The following RIMS2 variants were observed in gnomAD, a reference collection of about 807,000 sequenced individuals.
The protein encoded by RIMS2 is regulating synaptic membrane exocytosis protein 2.
Under a neutral mutation model 174.4 loss-of-function variants are expected in RIMS2, and 59 were observed. The observed-to-expected ratio is 0.34, with a 90% CI of 0.27 to 0.42. RIMS2 has a LOEUF of 0.42. RIMS2 is among the 10% of genes least tolerant of loss of function. RIMS2 has a pLI of 1.00. For missense variants in RIMS2, 1,620 were observed against 1,666.3 expected, an observed-to-expected ratio of 0.97 and a Z score of 0.48; for synonymous variants, 606 against 572.5, an observed-to-expected ratio of 1.06 and a Z score of -0.84.
At chr8:103,604,201 T>G (rs993461525) in intron 1 of RIMS2, among the ~76,000 whole-genome samples, 3 of 151,138 alleles carry the variant, frequency 2.0e-5, no homozygotes, top group African/African-American at 7.3e-5. Flanking sequence ...GGATCCAGTT[T>G]CAGCTTTCTA....
At position 103,829,086 on chromosome 8, in the gene RIMS2, G is replaced by GTT. The variant is rs34072454; in HGVS notation, c.699-56196_699-56195dup. On this transcript the variant is annotated intron_variant, in intron 3 of 23. Coordinates refer to ENST00000504942, the Ensembl canonical transcript of RIMS2. ...TGGTTCTATGTGAATTTAATAATAG[G>GTT]TTTTTTTTTTTTTTTTTGCTAATTT... 7.8e-3 allele frequency among the ~76,000 whole-genome samples: 1,048 copies of GTT among 134,594 alleles called. 8 individuals carry two copies. Among genetic ancestry groups the GTT allele is most frequent in the East Asian group, 0.022 (99 of 4,564 alleles). 88.3% of individuals were successfully genotyped at this position (134,594 alleles called of 152,430 possible). A position where few individuals can be genotyped will look rare whatever the true frequency, so the allele number is the denominator to read the frequency against.
chr8:103,707,745 C>T (rs1399608866), intron 2 of RIMS2, among the ~76,000 whole-genome samples: 1 of 152,180 alleles, frequency 6.6e-6, no homozygotes, highest in African/African-American at 2.4e-5. Context: ...CAGGGGCTTG[C>T]CCAAGGACCC....
intron 2 of RIMS2, among the ~76,000 whole-genome samples, chr8:103,725,258 A>T (rs188257108): frequency 1.3e-5 from 2 of 152,236 alleles, no homozygotes; most frequent in Admixed American, 1.3e-4. Flanking sequence ...ACATAATAAG[A>T]TGCACAGAAT....
chr8:103,612,551 G>C (rs796805760), intron 1 of RIMS2, among the ~76,000 whole-genome samples: 1 of 152,230 alleles, frequency 6.6e-6, no homozygotes, highest in African/African-American at 2.4e-5. Flanking sequence ...GAATTCTCTG[G>C]ATTACTAGAC....
chr8:104,110,474 T>A (rs578008882), intron 19 of RIMS2, among the ~76,000 whole-genome samples: 1 of 152,290 alleles, frequency 6.6e-6, no homozygotes, highest in South Asian at 2.1e-4. Context: ...GTTTTTCTTA[T>A]CCTTGATCCA....
chr8:103,743,467 A>T (rs2097779824), intron 2 of RIMS2, among the ~76,000 whole-genome samples: 1 of 152,172 alleles, frequency 6.6e-6, no homozygotes. Flanking sequence ...AGGATAAAAA[A>T]ACCGCATTAT....
At chr8:104,127,732 CA>C (rs146725766) in intron 19 of RIMS2, among the ~76,000 whole-genome samples, 7 of 147,288 alleles carry the variant, frequency 4.8e-5, no homozygotes, top group Non-Finnish European at 1.1e-4. Context: ...TAAATGGTTG[CA>C]AAAAAAAACA....
intron 19 of RIMS2, among the ~76,000 whole-genome samples, chr8:104,109,789 A>T (rs2098143864): frequency 6.6e-6 from 1 of 152,224 alleles, no homozygotes; most frequent in Non-Finnish European, 1.5e-5. Context: ...TTTCATTATA[A>T]TTTCACAAAG....
chr8:104,132,690 G>A (rs1180726884), intron 19 of RIMS2, among the ~76,000 whole-genome samples: 1 of 152,196 alleles, frequency 6.6e-6, no homozygotes, highest in Non-Finnish European at 1.5e-5. Flanking sequence ...GTACGGTAAG[G>A]CAGAGTAACA....
At chr8:103,865,291 T>C (rs1003225322) in intron 3 of RIMS2, among the ~76,000 whole-genome samples, 2 of 145,600 alleles carry the variant, frequency 1.4e-5, no homozygotes, top group South Asian at 4.3e-4. Context: ...TTTCTTTTTT[T>C]TTTTTTTTTT....
chr8:103,799,518 A>G (rs1241369540), intron 3 of RIMS2, among the ~76,000 whole-genome samples: 1 of 152,106 alleles, frequency 6.6e-6, no homozygotes, highest in Non-Finnish European at 1.5e-5. Flanking sequence ...GGGTATGTAT[A>G]CTTTATTTCA....
intron 3 of RIMS2, among the ~76,000 whole-genome samples, chr8:103,878,754 A>T (rs565674003): frequency 6.6e-6 from 1 of 150,654 alleles, no homozygotes; most frequent in South Asian, 2.1e-4. Context: ...ACTACTCATT[A>T]TTGATCCCCT....
rs554764351 is a variant in RIMS2 at position 103,789,939 on chromosome 8, C to G, written c.698+23402C>G. Among the ~76,000 whole-genome samples, 26 of 152,000 alleles carry G rather than the reference C, an allele frequency of 1.7e-4. No homozygotes were observed. In the South Asian group the frequency reaches 5.4e-3, roughly 32 times the overall value. On this transcript the variant is annotated intron_variant, in intron 3 of 23. Transcript: ENST00000504942. The stretch of plus-strand genomic sequence containing the variant: ...AGATATTTTTTTCTATTTTTAAACT[C>G]TTAGTAGAGATGGCATCTCTCTAGC...
chr8:104,251,656 GC>G lies in RIMS2; in HGVS notation c.3889del (p.Gln1297ArgfsTer4). 6.2e-7 allele frequency: 1 copy of G among 1,611,246 alleles called. No individual in the cohort carries two copies. The highest frequency in any genetic ancestry group is 1.7e-5 in the Admixed American group (1 of 60,004). On this transcript the variant is annotated frameshift_variant, in exon 24 of 24. Coordinates refer to ENST00000504942, the Ensembl canonical transcript of RIMS2. LOFTEE classifies it high-confidence loss of function. The stretch of plus-strand genomic sequence containing the variant: ...GGATCACAAATCTTTTATGGGAGTG[GC>G]CCAGATACTTTTAGATGAACTAGAG...
intron 2 of RIMS2, among the ~76,000 whole-genome samples, chr8:103,720,192 A>G (rs1280547425): frequency 6.6e-6 from 1 of 152,146 alleles, no homozygotes; most frequent in Non-Finnish European, 1.5e-5. Context: ...TGTGTTTTCA[A>G]TGTAATCTCT....
At position 103,638,811 on chromosome 8, in the gene RIMS2, TC is replaced by T. The variant is rs760884784; in HGVS notation, c.177-58274del. 1.4e-4 allele frequency among the ~76,000 whole-genome samples: 22 copies of T among 152,178 alleles called. No homozygotes were observed. In the East Asian group the frequency reaches 2.5e-3, roughly 17 times the overall value. On this transcript the variant is annotated intron_variant, in intron 1 of 23. Transcript: ENST00000504942. ...TCACTGCAATTGGGATGTCACTGTTTCTAGGCTCTCTCAGCAAACAAAATGA... is the reference window on the plus strand; with the variant it reads ...TCACTGCAATTGGGATGTCACTGTTTTAGGCTCTCTCAGCAAACAAAATGA...
intron 4 of RIMS2, among the ~76,000 whole-genome samples, chr8:103,886,872 A>G (rs1364253430): frequency 2.0e-5 from 3 of 151,616 alleles, no homozygotes; most frequent in Admixed American, 2.0e-4. Context: ...ACAACTAAAT[A>G]TTTCTTTATT....
chr8:103,879,946 A>G (rs921570523), intron 3 of RIMS2, among the ~76,000 whole-genome samples: 9 of 151,632 alleles, frequency 5.9e-5, no homozygotes, highest in African/African-American at 2.2e-4. Context: ...TAATTGATAA[A>G]TTAAAATGAG....
chr8:104,130,353 A>G (rs2098464836), intron 19 of RIMS2, among the ~76,000 whole-genome samples: 1 of 152,250 alleles, frequency 6.6e-6, no homozygotes, highest in African/African-American at 2.4e-5. Context: ...GATTCCAGCT[A>G]CAATTTGACG....
Sources: allele counts gnomAD v4.1 joint callset (sites outside exome capture counted in the v4.1 genomes callset), GRCh38; gene constraint gnomAD v4.1.1; transcripts MANE v1.5; gene names NCBI Gene and HGNC (gene_info 2026-07-23, HGNC 2026-07-21).